AKR1A1: variants seen among roughly 807,000 people sequenced by gnomAD.
AKR1A1 encodes aldo-keto reductase family 1 member A1.
A neutral mutation model predicts 39.2 loss-of-function variants in AKR1A1; 26 were observed. The ratio of observed to expected loss-of-function variants is 0.66; its 90% CI spans 0.49 to 0.92. The LOEUF is 0.92. Among genes scored for constraint, AKR1A1 ranks in the 40% least tolerant of loss-of-function variants. The probability of loss-of-function intolerance (pLI) is 0.00; values close to 1 mark genes in which losing one functional copy is unlikely to be tolerated. For synonymous variants in AKR1A1, 141 were observed against 155.5 expected, an observed-to-expected ratio of 0.91 and a Z score of 0.69; for missense variants, 378 against 406.5, an observed-to-expected ratio of 0.93 and a Z score of 0.60.
intron 6 of AKR1A1, 86 bp from the exon 7 acceptor site, chr1:45,568,841 A>G: frequency 6.5e-7 from 1 of 1,540,358 alleles, no homozygotes; most frequent in Non-Finnish European, 9.0e-7. Context: ...CAGGTGCTCC[A>G]GGAGCTTAGG....
chr1:45,557,912 C>CTTTTTT (rs67386168), intron 1 of AKR1A1, among the ~76,000 whole-genome samples: 7 of 112,236 alleles, frequency 6.2e-5, no homozygotes, highest in Non-Finnish European at 1.0e-4. Context: ...CACAACTTGT[C>CTTTTTT]TTTTTTTTTT....
At position 45,566,973 on chromosome 1, in the gene AKR1A1, G is replaced by C; in HGVS notation, c.309G>C (p.Gln103His). 3.7e-6 allele frequency: 6 copies of C among 1,614,250 alleles called. No individual in the cohort carries two copies. The highest frequency in any genetic ancestry group is 5.1e-6 in the Non-Finnish European group (6 of 1,180,050). Reference sequence around the variant, plus strand: ...TCCGGAAGACTCTGGCTGACCTCCAGCTGGAGTATCTGGACCTGTACCTGA... The same window carrying C: ...TCCGGAAGACTCTGGCTGACCTCCACCTGGAGTATCTGGACCTGTACCTGA... ...PALRKTLADL[Q>H]LEYLDLYLMH... The change falls in exon 4 of 9, where the codon CAG becomes CAC. Residue 103 changes from glutamine (Q) to histidine (H), a missense_variant. Physicochemically the swap from Gln to His is conservative, Grantham distance 24. Coordinates refer to ENST00000351829, the MANE Select transcript of AKR1A1 (RefSeq NM_153326.3).
chr1:45,568,314 G>T (rs1406054000), intron 5 of AKR1A1, 137 bp downstream of exon 5: 5 of 1,260,010 alleles, frequency 4.0e-6, no homozygotes, highest in Non-Finnish European at 5.5e-6. Flanking sequence ...ATAAAGGTGG[G>T]CATTGAAGCA....
intron 2 of AKR1A1, among the ~76,000 whole-genome samples, chr1:45,564,515 T>C (rs1419572786): frequency 1.3e-5 from 2 of 152,190 alleles, no homozygotes; most frequent in Non-Finnish European, 2.9e-5. Flanking sequence ...TAGGGAGTTC[T>C]GGGTCCAGCT....
chr1:45,567,783 T>C (rs530886147), intron 4 of AKR1A1, 199 bp from the exon 5 acceptor site: 27 of 473,066 alleles, frequency 5.7e-5, no homozygotes, highest in African/African-American at 2.2e-4. Flanking sequence ...GCTGAGATAG[T>C]GCCACTGCAC....
intron 1 of AKR1A1, among the ~76,000 whole-genome samples, chr1:45,559,054 C>T (rs898256434): frequency 2.0e-5 from 3 of 152,168 alleles, no homozygotes; most frequent in African/African-American, 7.2e-5. Context: ...TTCTTTAGGA[C>T]TTGACTCAGG....
intron 5 of AKR1A1, 50 bp downstream of exon 5, chr1:45,568,227 A>G: frequency 3.9e-6 from 6 of 1,551,524 alleles, no homozygotes; most frequent in Non-Finnish European, 4.4e-6. Context: ...GCTCAAGAGC[A>G]TGAGGGAGCA....
intron 1 of AKR1A1, among the ~76,000 whole-genome samples, chr1:45,554,965 A>C (rs1049842047): frequency 3.8e-4 from 58 of 152,100 alleles, no homozygotes; most frequent in African/African-American, 1.4e-3. Context: ...TGCTGGGATT[A>C]ACAGGCATGA....
rs990203523 is a variant in AKR1A1, at chr1:45,558,501, C to T, written c.-6-3288C>T. On this transcript the variant is annotated intron_variant, in intron 1 of 8. Coordinates refer to ENST00000351829, the MANE Select transcript of AKR1A1 (RefSeq NM_153326.3). ...GCAACCTCCACCTCCCGAGTTCAAG[C>T]GATTCCTCCTGTCTCAGCCTTCTGA... 4.0e-5 allele frequency among the ~76,000 whole-genome samples: 6 copies of T among 151,154 alleles called. No homozygotes were observed. In the South Asian group the frequency reaches 1.0e-3, roughly 26 times the overall value.
At chr1:45,554,257 T>C (rs975602784) in intron 1 of AKR1A1, among the ~76,000 whole-genome samples, 5 of 152,046 alleles carry the variant, frequency 3.3e-5, no homozygotes, top group Admixed American at 1.3e-4. Flanking sequence ...AGAAACCCTG[T>C]CTCTACGAAA....
At chr1:45,552,294 A>G (rs769658052) in intron 1 of AKR1A1, 1 of 151,638 alleles carries the variant, frequency 6.6e-6, no homozygotes, top group Non-Finnish European at 1.5e-5. Context: ...TAATCCTGCC[A>G]CCTCAGCCTT....
At chr1:45,557,249 A>C (rs143786893) in intron 1 of AKR1A1, among the ~76,000 whole-genome samples, 1 of 152,180 alleles carries the variant, frequency 6.6e-6, no homozygotes, top group African/African-American at 2.4e-5. Flanking sequence ...AAAGGTCCAG[A>C]TAGGCAGTTC....
intron 8 of AKR1A1, 147 bp from the exon 9 acceptor site, chr1:45,569,744 T>G (rs1644390558): frequency 4.4e-6 from 3 of 680,326 alleles, no homozygotes; most frequent in South Asian, 3.4e-5. Flanking sequence ...TACTGTGGTG[T>G]TCTCTGAGGA....
At chr1:45,569,582 C>A (rs1644388885) in intron 8 of AKR1A1, among the ~76,000 whole-genome samples, 1 of 152,128 alleles carries the variant, frequency 6.6e-6, no homozygotes, top group South Asian at 2.1e-4. Context: ...GCGTTGTTGA[C>A]CTCACTCGAG....
chr1:45,558,328 A>G (rs1238682828), intron 1 of AKR1A1, among the ~76,000 whole-genome samples: 1 of 151,882 alleles, frequency 6.6e-6, no homozygotes, highest in Admixed American at 6.6e-5. Flanking sequence ...TCCCGGGTTC[A>G]GGTGATTCTC....
intron 2 of AKR1A1, 72 bp downstream of exon 2, chr1:45,561,950 T>A: frequency 6.9e-7 from 1 of 1,457,366 alleles, no homozygotes; most frequent in Admixed American, 1.7e-5. Context: ...CCCACCCCCA[T>A]ACTCCCCTTC....
Position 45,563,069 on chromosome 1 carries a change from A to G in AKR1A1, c.84+1191A>G, listed in dbSNP as rs529168581. Among the ~76,000 whole-genome samples, 5 of 116,624 alleles carry G rather than the reference A, an allele frequency of 4.3e-5. No individual in the cohort carries two copies. The South Asian group carries it at 1.5e-3, about 34-fold the overall frequency. The allele number at this position is 116,624 out of a possible 152,430, so 76.5% of individuals were successfully genotyped here. A position where few individuals can be genotyped will look rare whatever the true frequency, so the allele number is the denominator to read the frequency against. On this transcript the variant is annotated intron_variant, in intron 2 of 8. Transcript: ENST00000351829. ...GGCTGCAGTGACCTATGATCATGCC[A>G]CTGCACTCCAGCCTGGACAGAGCGA...
chr1:45,559,991 C>CTT (rs1240120186), intron 1 of AKR1A1, among the ~76,000 whole-genome samples: 13 of 130,640 alleles, frequency 1.0e-4, no homozygotes, highest in East Asian at 2.3e-4. Flanking sequence ...AATAACTTCA[C>CTT]TTTTTTTTTT....
In AKR1A1 at chr1:45,567,922, G is replaced by A. The variant is rs1010465048; in HGVS notation, c.357-60G>A. 2.0e-6 allele frequency: 3 copies of A among 1,477,422 alleles called. No individual in the cohort carries two copies. In the Admixed American group the frequency reaches 6.6e-5, roughly 33 times the overall value. The allele number at this position is 1,477,422 out of a possible 1,614,324, so 91.5% of individuals were successfully genotyped here. A position where few individuals can be genotyped will look rare whatever the true frequency, so the allele number is the denominator to read the frequency against. ...TTTGGGACATAGAGTGGCTGGATGG[G>A]CAGGTAGGGTAGAAGCCTGGCATTT... On this transcript the variant is annotated intron_variant, in intron 4 of 8. Transcript: ENST00000351829.
Sources: allele counts gnomAD v4.1 joint callset (sites outside exome capture counted in the v4.1 genomes callset), GRCh38; gene constraint gnomAD v4.1.1; transcripts MANE v1.5; gene names NCBI Gene and HGNC (gene_info 2026-07-23, HGNC 2026-07-21).